Variants in GPC6 observed in about 807,000 individuals in gnomAD.
GPC6 encodes the protein glypican 6, also known as glypican-6.
GPC6 carries 14 observed loss-of-function variants against 55.2 expected under a neutral mutation model. That is an observed-to-expected ratio of 0.25 (90% CI 0.17 to 0.40). The LOEUF is 0.40. Ranked by LOEUF, GPC6 falls within the 10% of genes least tolerant of loss-of-function variation. GPC6 has a pLI of 1.00. For missense variants in GPC6, 641 were observed against 708.5 expected, an observed-to-expected ratio of 0.90 and a Z score of 1.08; for synonymous variants, 278 against 259.6, an observed-to-expected ratio of 1.07 and a Z score of -0.68.
intron 1 of GPC6, among the ~76,000 whole-genome samples, chr13:93,301,245 C>G (rs8001061): frequency 0.12 from 18,288 of 152,142 alleles, 1,319 homozygotes; most frequent in East Asian, 0.36. Context: ...TCTGAAATCT[C>G]GTGCTTCCTG....
intron 4 of GPC6, among the ~76,000 whole-genome samples, chr13:94,086,223 G>A (rs897725829): frequency 7.9e-5 from 12 of 152,300 alleles, no homozygotes; most frequent in African/African-American, 2.9e-4. Context: ...CACACTGCAT[G>A]CAGCCAACAG....
intron 3 of GPC6, among the ~76,000 whole-genome samples, chr13:93,832,145 A>ATATATATATATATATATAT (rs71272209): frequency 2.4e-4 from 28 of 117,436 alleles, no homozygotes; most frequent in Non-Finnish European, 3.8e-4. Context: ...ATATATATAT[A>ATATATATATATATATATAT]ATGTCCTTAC....
intron 4 of GPC6, among the ~76,000 whole-genome samples, chr13:94,126,102 C>G (rs1410402432): frequency 6.6e-6 from 1 of 152,072 alleles, no homozygotes; most frequent in Non-Finnish European, 1.5e-5. Context: ...ACCAACTGGG[C>G]ACCAGTGGCT....
intron 3 of GPC6, among the ~76,000 whole-genome samples, chr13:93,859,547 C>G (rs758135036): frequency 2.0e-5 from 3 of 151,666 alleles, no homozygotes; most frequent in Admixed American, 6.6e-5. Flanking sequence ...ATAAAGATTT[C>G]TCTTGTAGTA....
At chr13:93,372,518 C>T (rs759403046) in intron 1 of GPC6, among the ~76,000 whole-genome samples, 3 of 152,092 alleles carry the variant, frequency 2.0e-5, no homozygotes, top group Non-Finnish European at 4.4e-5. Context: ...CTCACTTAGC[C>T]ACAGAATGAG....
At chr13:93,404,808 T>C (rs2762093) in intron 1 of GPC6, among the ~76,000 whole-genome samples, 18,250 of 149,518 alleles carry the variant, frequency 0.12, 1,184 homozygotes, top group South Asian at 0.14. Flanking sequence ...CTGATATTTA[T>C]TTATTTAATT....
intron 5 of GPC6, among the ~76,000 whole-genome samples, chr13:94,291,317 C>T (rs1459085858): frequency 1.3e-5 from 2 of 151,938 alleles, no homozygotes; most frequent in Admixed American, 6.6e-5. Flanking sequence ...GTGTCTGGTA[C>T]GGCTGGTACA....
At chr13:93,457,665 G>A (rs1005236303) in intron 1 of GPC6, among the ~76,000 whole-genome samples, 2 of 152,134 alleles carry the variant, frequency 1.3e-5, no homozygotes, top group Admixed American at 6.5e-5. Context: ...GTACTGGAAA[G>A]TGATGCATGT....
chr13:93,437,931 T>C (rs763122703), intron 1 of GPC6, among the ~76,000 whole-genome samples: 1 of 152,174 alleles, frequency 6.6e-6, no homozygotes, highest in Non-Finnish European at 1.5e-5. Context: ...TAGGGGCTAA[T>C]GCAGCTGGTG....
At chr13:94,239,759 G>A (rs937979381) in intron 4 of GPC6, among the ~76,000 whole-genome samples, 4 of 152,062 alleles carry the variant, frequency 2.6e-5, no homozygotes, top group African/African-American at 9.7e-5. Flanking sequence ...AGTTGTTTAG[G>A]AATTCTATAC....
chr13:93,585,452 A>G (rs1877147036), intron 2 of GPC6, among the ~76,000 whole-genome samples: 1 of 152,200 alleles, frequency 6.6e-6, no homozygotes, highest in Non-Finnish European at 1.5e-5. Context: ...CTACCATTTC[A>G]GTAGATCAAC....
At chr13:93,729,764 A>G (rs932416019) in intron 2 of GPC6, among the ~76,000 whole-genome samples, 2 of 152,184 alleles carry the variant, frequency 1.3e-5, no homozygotes, top group African/African-American at 4.8e-5. Context: ...TGGCTGTACT[A>G]TTCAAATTAG....
At chr13:93,531,337 T>C (rs1245732957) in intron 1 of GPC6, among the ~76,000 whole-genome samples, 1 of 152,070 alleles carries the variant, frequency 6.6e-6, no homozygotes, top group Non-Finnish European at 1.5e-5. Context: ...AATTGGCTCA[T>C]GTGGTGTAAG....
rs79505948 is a variant in GPC6 at position 93,457,479 on chromosome 13, G to A, written c.161-87784G>A. 6.1e-3 allele frequency among the ~76,000 whole-genome samples: 925 copies of A among 152,268 alleles called. 6 individuals carry two copies. Among genetic ancestry groups the A allele is most frequent in the South Asian group, 0.013 (63 of 4,824 alleles). On this transcript the variant is annotated intron_variant, in intron 1 of 8. Coordinates refer to ENST00000377047, the MANE Select transcript of GPC6 (RefSeq NM_005708.5). ...TAACAGATGACTCCAAAATTCCAGT[G>A]TCTTAGAACCACAAAGGTATGTTTC...
At position 94,037,124 on chromosome 13, in the gene GPC6, A is replaced by G. The variant is rs142230013; in HGVS notation, c.877+9230A>G. 9.7e-3 allele frequency among the ~76,000 whole-genome samples: 1,477 copies of G among 152,118 alleles called. 7 individuals carry two copies. Among genetic ancestry groups the G allele is most frequent in the Admixed American group, 0.018 (273 of 15,246 alleles). ...AAGAGGACTTCAGGAATAATTTTGCAATTATTACAGAGCACTTGGAGGATG... is the reference window on the plus strand; with the variant it reads ...AAGAGGACTTCAGGAATAATTTTGCGATTATTACAGAGCACTTGGAGGATG... On this transcript the variant is annotated intron_variant, in intron 4 of 8. Coordinates refer to ENST00000377047, the MANE Select transcript of GPC6 (RefSeq NM_005708.5).
chr13:94,383,309 T>C (rs1438535992), intron 7 of GPC6, among the ~76,000 whole-genome samples: 1 of 152,158 alleles, frequency 6.6e-6, no homozygotes, highest in Non-Finnish European at 1.5e-5. Flanking sequence ...GTAAAGTAGC[T>C]GGTAAATTGG....
At chr13:93,598,200 G>C (rs1383526629) in intron 2 of GPC6, among the ~76,000 whole-genome samples, 1 of 152,124 alleles carries the variant, frequency 6.6e-6, no homozygotes, top group Non-Finnish European at 1.5e-5. Flanking sequence ...TACTGTGTAA[G>C]TGGTTGGCAT....
At chr13:94,234,435 C>T (rs1890815807) in intron 4 of GPC6, among the ~76,000 whole-genome samples, 1 of 151,388 alleles carries the variant, frequency 6.6e-6, no homozygotes, top group South Asian at 2.1e-4. Context: ...ACATGTAATA[C>T]TGAAGCTAAA....
At chr13:93,769,278 T>C (rs1225369056) in intron 2 of GPC6, among the ~76,000 whole-genome samples, 2 of 152,144 alleles carry the variant, frequency 1.3e-5, no homozygotes, top group African/African-American at 4.8e-5. Flanking sequence ...TGCCAAAAGT[T>C]ATCACAGTTT....
Sources: allele counts gnomAD v4.1 joint callset (sites outside exome capture counted in the v4.1 genomes callset), GRCh38; gene constraint gnomAD v4.1.1; transcripts MANE v1.5; gene names NCBI Gene and HGNC (gene_info 2026-07-23, HGNC 2026-07-21).